The following ADGRL3 variants were observed in gnomAD, a reference collection of about 807,000 sequenced individuals.
ADGRL3 encodes calcium-independent alpha-latrotoxin receptor 3.
A neutral mutation model predicts 153.5 loss-of-function variants in ADGRL3; 62 were observed. That is an observed-to-expected ratio of 0.40 (90% CI 0.33 to 0.50). ADGRL3 has a LOEUF of 0.50. ADGRL3 is among the 20% of genes least tolerant of loss of function. ADGRL3 has a pLI of 0.47. For missense variants in ADGRL3, 1,641 were observed against 1,859.4 expected (o/e 0.88, Z 2.16); for synonymous variants, 710 against 672.5 (o/e 1.06, Z -0.86).
At chr4:61,637,527 G>A (rs1182949794) in intron 5 of ADGRL3, among the ~76,000 whole-genome samples, 2 of 152,278 alleles carry the variant, frequency 1.3e-5, no homozygotes, top group East Asian at 1.9e-4. Flanking sequence ...ACTTTGAGAA[G>A]CTAAGGCGGG....
At chr4:61,213,718 T>G (rs1326070902) in intron 1 of ADGRL3, among the ~76,000 whole-genome samples, 1 of 152,184 alleles carries the variant, frequency 6.6e-6, no homozygotes. Flanking sequence ...AAGCATTAAG[T>G]ATCATAAAAT....
At chr4:61,587,650 A>G (rs1366696874) in intron 5 of ADGRL3, among the ~76,000 whole-genome samples, 1 of 152,136 alleles carries the variant, frequency 6.6e-6, no homozygotes, top group East Asian at 1.9e-4. Flanking sequence ...ATTATCTATT[A>G]CATTTCATGG....
At chr4:61,890,929 A>G (rs1331466248) in intron 9 of ADGRL3, among the ~76,000 whole-genome samples, 4 of 152,080 alleles carry the variant, frequency 2.6e-5, no homozygotes, top group African/African-American at 9.7e-5. Flanking sequence ...TTCTTTTTAA[A>G]ACATTTGATT....
chr4:61,315,027 A>T (rs889182634), intron 1 of ADGRL3, among the ~76,000 whole-genome samples: 5 of 152,242 alleles, frequency 3.3e-5, no homozygotes, highest in Non-Finnish European at 7.3e-5. Flanking sequence ...GAATCTGTAC[A>T]TGGGATCTTG....
chr4:61,251,997 C>T (rs575623704), intron 1 of ADGRL3, among the ~76,000 whole-genome samples: 1 of 151,908 alleles, frequency 6.6e-6, no homozygotes, highest in African/African-American at 2.4e-5. Context: ...TATTCTTCTG[C>T]CTCAGCCTCC....
intron 8 of ADGRL3, among the ~76,000 whole-genome samples, chr4:61,791,923 C>A (rs539421990): frequency 1.3e-5 from 2 of 152,248 alleles, no homozygotes; most frequent in East Asian, 1.9e-4. Flanking sequence ...AGGAGGGGAA[C>A]CCTGGGCCCG....
rs770467670 is a variant in ADGRL3, at chr4:61,732,878, C to G, written c.723C>G (p.Pro241=). 5.0e-6 allele frequency: 8 copies of G among 1,613,630 alleles called. No homozygotes were observed. The highest frequency in any genetic ancestry group is 5.9e-6 in the Non-Finnish European group (7 of 1,179,786). The change falls in exon 8 of 27, where the codon CCC becomes CCG. Residue 241 remains proline, a synonymous_variant. Transcript: ENST00000683033. ...LQASDKIYYM[P]WTPYRTDTLT... Reference sequence around the variant, plus strand: ...CATCTGACAAGATTTATTATATGCCCTGGACTCCCTACAGAACTGATACCC... The same window carrying G: ...CATCTGACAAGATTTATTATATGCCGTGGACTCCCTACAGAACTGATACCC...
chr4:61,845,311 T>C (rs2098102263), intron 9 of ADGRL3, among the ~76,000 whole-genome samples: 1 of 151,908 alleles, frequency 6.6e-6, no homozygotes, highest in South Asian at 2.1e-4. Context: ...CTTTTTGCTT[T>C]ATTTTTATTT....
rs533830640 is a variant in ADGRL3 at position 61,224,748 on chromosome 4, C to G, written c.-240+22983C>G. 7.0e-4 allele frequency among the ~76,000 whole-genome samples: 106 copies of G among 152,296 alleles called. No individual in the cohort carries two copies. The South Asian group carries it at 8.9e-3, about 13-fold the overall frequency. ...ATGCTACTCTAGGCTCTTAGCCATTCAGAAATCCTTGGCAGGACCCGAGGG... is the reference window on the plus strand; with the variant it reads ...ATGCTACTCTAGGCTCTTAGCCATTGAGAAATCCTTGGCAGGACCCGAGGG... On this transcript the variant is annotated intron_variant, in intron 1 of 26. Coordinates refer to ENST00000683033, the MANE Select transcript of ADGRL3 (RefSeq NM_001387552.1).
intron 4 of ADGRL3, among the ~76,000 whole-genome samples, chr4:61,542,519 G>T (rs1029697277): frequency 6.6e-6 from 1 of 152,166 alleles, no homozygotes; most frequent in African/African-American, 2.4e-5. Context: ...AGGCTTGCAT[G>T]TATTTTCTCG....
intron 2 of ADGRL3, among the ~76,000 whole-genome samples, chr4:61,485,320 A>G: frequency 6.6e-6 from 1 of 152,370 alleles, no homozygotes; most frequent in East Asian, 1.9e-4. Flanking sequence ...CATAATCTCA[A>G]GAACAATTTA....
intron 6 of ADGRL3, among the ~76,000 whole-genome samples, chr4:61,726,210 G>GTTTTTTTTTTTTTGTTTTTTTT (rs149472429): frequency 1.7e-5 from 2 of 118,480 alleles, no homozygotes; most frequent in African/African-American, 3.2e-5. Flanking sequence ...TTTTTTTTTT[G>GTTTTTTTTTTTTTGTTTTTTTT]TTTTTTGAGA....
At chr4:61,647,913 A>G (rs1451111353) in intron 5 of ADGRL3, among the ~76,000 whole-genome samples, 1 of 152,122 alleles carries the variant, frequency 6.6e-6, no homozygotes, top group African/African-American at 2.4e-5. Context: ...AAGATTGTAA[A>G]CTTTCTCCAA....
intron 3 of ADGRL3, among the ~76,000 whole-genome samples, chr4:61,515,835 A>T (rs1370456579): frequency 6.6e-6 from 1 of 152,130 alleles, no homozygotes; most frequent in East Asian, 1.9e-4. Context: ...GAAGAGAGGG[A>T]TATCTTAGGA....
intron 6 of ADGRL3, among the ~76,000 whole-genome samples, chr4:61,692,102 A>G (rs2095550202): frequency 6.6e-6 from 1 of 152,196 alleles, no homozygotes; most frequent in Non-Finnish European, 1.5e-5. Context: ...AAATTGCTAG[A>G]CAAAATTAAA....
chr4:61,485,448 G>A (rs1023420910), intron 2 of ADGRL3, among the ~76,000 whole-genome samples: 1 of 151,974 alleles, frequency 6.6e-6, no homozygotes, highest in Non-Finnish European at 1.5e-5. Context: ...TACTGTTTAA[G>A]CCCCTTTTGA....
chr4:61,453,752 T>A (rs961275977), intron 2 of ADGRL3, among the ~76,000 whole-genome samples: 1 of 152,114 alleles, frequency 6.6e-6, no homozygotes, highest in Non-Finnish European at 1.5e-5. Flanking sequence ...TATCCATCAA[T>A]CTGTAATTAT....
chr4:61,477,023 G>GA (rs955370072), intron 2 of ADGRL3, among the ~76,000 whole-genome samples: 5 of 151,686 alleles, frequency 3.3e-5, no homozygotes, highest in Non-Finnish European at 5.9e-5. Context: ...AGAAATAAAT[G>GA]AAAAAATATT....
chr4:61,941,333 A>G (rs2098892490), intron 15 of ADGRL3, among the ~76,000 whole-genome samples: 1 of 116,650 alleles, frequency 8.6e-6, no homozygotes, highest in Admixed American at 9.8e-5. Flanking sequence ...TGGTTACTGT[A>G]GCCTTGTAGT....
Sources: allele counts gnomAD v4.1 joint callset (sites outside exome capture counted in the v4.1 genomes callset), GRCh38; gene constraint gnomAD v4.1.1; transcripts MANE v1.5; gene names NCBI Gene and HGNC (gene_info 2026-07-23, HGNC 2026-07-21).